The following FGF12 variants were observed in gnomAD, a reference collection of about 807,000 sequenced individuals.
FGF12 encodes the protein fibroblast growth factor 12B.
In FGF12, 14 loss-of-function variants were observed where a neutral mutation model predicts 23.6. The ratio of observed to expected loss-of-function variants is 0.59; its 90% CI spans 0.39 to 0.93. The LOEUF (loss-of-function observed/expected upper bound fraction) is 0.93. FGF12 is among the 40% of genes least tolerant of loss of function. FGF12 has a pLI of 0.00. For synonymous variants in FGF12, 62 were observed against 77.3 expected, an observed-to-expected ratio of 0.80 and a Z score of 1.04; for missense variants, 175 against 217.8, an observed-to-expected ratio of 0.80 and a Z score of 1.24.
chr3:192,467,719 T>C (rs1334004937), intron 2 of FGF12, among the ~76,000 whole-genome samples: 2 of 152,170 alleles, frequency 1.3e-5, no homozygotes, highest in Non-Finnish European at 2.9e-5. Flanking sequence ...ATAAAAATAC[T>C]AGGCACATGA....
At chr3:192,640,099 A>C (rs1368087967) in intron 2 of FGF12, among the ~76,000 whole-genome samples, 1 of 152,122 alleles carries the variant, frequency 6.6e-6, no homozygotes, top group East Asian at 1.9e-4. Flanking sequence ...TGGGGGATGT[A>C]GGTCATAGGT....
At chr3:192,255,911 T>C (rs77827241) in intron 4 of FGF12, among the ~76,000 whole-genome samples, 4,599 of 152,192 alleles carry the variant, frequency 0.03, 92 homozygotes, top group Non-Finnish European at 0.04. Context: ...AGGCCTCTGG[T>C]TGGCATTCCA....
At chr3:192,257,280 T>C (rs146403060) in intron 4 of FGF12, among the ~76,000 whole-genome samples, 1 of 152,160 alleles carries the variant, frequency 6.6e-6, no homozygotes, top group Admixed American at 6.6e-5. Context: ...AACCAGAATT[T>C]TGAATTTATG....
intron 2 of FGF12, among the ~76,000 whole-genome samples, chr3:192,419,788 G>A (rs1044626739): frequency 6.6e-6 from 1 of 152,132 alleles, no homozygotes; most frequent in Non-Finnish European, 1.5e-5. Context: ...GAAGATTCAA[G>A]GAGATAGTCA....
chr3:192,441,531 C>T (rs1188996244), intron 2 of FGF12, among the ~76,000 whole-genome samples: 1 of 152,056 alleles, frequency 6.6e-6, no homozygotes, highest in Non-Finnish European at 1.5e-5. Context: ...ACCCAGGGAG[C>T]CACAGAAAGA....
intron 4 of FGF12, among the ~76,000 whole-genome samples, chr3:192,281,308 G>A (rs765529927): frequency 2.6e-5 from 4 of 151,988 alleles, no homozygotes; most frequent in Non-Finnish European, 5.9e-5. Flanking sequence ...TTCACCCTCT[G>A]CCTCTGTCTT....
intron 5 of FGF12, among the ~76,000 whole-genome samples, chr3:192,158,327 TC>T: frequency 9.6e-6 from 1 of 103,910 alleles, no homozygotes; most frequent in African/African-American, 3.8e-5. Context: ...TTTCTTTCTT[TC>T]TTTCTCTTTC....
intron 4 of FGF12, among the ~76,000 whole-genome samples, chr3:192,209,397 A>G (rs1717817774): frequency 6.6e-6 from 1 of 152,332 alleles, no homozygotes; most frequent in South Asian, 2.1e-4. Context: ...TGTGCTAGCT[A>G]TGGACTGTAG....
At chr3:192,363,119 T>C (rs1718811400) in intron 2 of FGF12, among the ~76,000 whole-genome samples, 2 of 151,540 alleles carry the variant, frequency 1.3e-5, no homozygotes, top group South Asian at 4.2e-4. Context: ...GGGATAGCAT[T>C]AGGAGATATA....
intron 4 of FGF12, among the ~76,000 whole-genome samples, chr3:192,270,631 A>C (rs1306215787): frequency 6.6e-6 from 1 of 152,162 alleles, no homozygotes; most frequent in Non-Finnish European, 1.5e-5. Context: ...TGTATCCTTC[A>C]CTATTTCAGC....
intron 2 of FGF12, among the ~76,000 whole-genome samples, chr3:192,678,419 T>C (rs1052225372): frequency 6.6e-6 from 1 of 152,190 alleles, no homozygotes; most frequent in Non-Finnish European, 1.5e-5. Context: ...AACTCTGAAC[T>C]TTTTTGAAGT....
chr3:192,247,599 T>C (rs993622248), intron 4 of FGF12, among the ~76,000 whole-genome samples: 6 of 152,196 alleles, frequency 3.9e-5, no homozygotes, highest in Admixed American at 3.9e-4. Context: ...CACCTAGCGA[T>C]CACTGGCAGG....
intron 4 of FGF12, among the ~76,000 whole-genome samples, chr3:192,276,641 A>G (rs1366202040): frequency 1.3e-5 from 2 of 152,118 alleles, no homozygotes; most frequent in African/African-American, 2.4e-5. Flanking sequence ...GAGGTTAGCC[A>G]TAGAAACTAG....
At chr3:192,147,206 G>A (rs1352390112) in intron 5 of FGF12, among the ~76,000 whole-genome samples, 1 of 152,206 alleles carries the variant, frequency 6.6e-6, no homozygotes, top group African/African-American at 2.4e-5. Context: ...TAGATTAAAT[G>A]TAATTTCTTG....
rs80087480 is a variant in FGF12, at chr3:192,322,053, A to T, written c.228+13308T>A. Reference sequence around the variant, plus strand: ...TATCTTTGTTTGCAGATGATATGATAGTATATTTGAAAAACCTAAGGACAA... The same window carrying T: ...TATCTTTGTTTGCAGATGATATGATTGTATATTTGAAAAACCTAAGGACAA... On this transcript the variant is annotated intron_variant, in intron 4 of 5. Coordinates refer to ENST00000445105, the MANE Select transcript of FGF12 (RefSeq NM_004113.6). 1.1e-3 allele frequency among the ~76,000 whole-genome samples: 163 copies of T among 152,122 alleles called. 1 individual carries two copies. The highest frequency in any genetic ancestry group is 3.8e-3 in the African/African-American group (156 of 41,508).
chr3:192,250,618 A>G (rs1175082691), intron 4 of FGF12, among the ~76,000 whole-genome samples: 3 of 152,176 alleles, frequency 2.0e-5, no homozygotes, highest in Non-Finnish European at 2.9e-5. Context: ...TCAAATGCCA[A>G]TAATGATATA....
chr3:192,519,690 A>C (rs1724768909), intron 2 of FGF12, among the ~76,000 whole-genome samples: 1 of 152,224 alleles, frequency 6.6e-6, no homozygotes, highest in African/African-American at 2.4e-5. Flanking sequence ...TTTGCCCGGC[A>C]GTGACTTTTG....
chr3:192,569,860 C>T (rs993815926), intron 2 of FGF12, among the ~76,000 whole-genome samples: 2 of 152,172 alleles, frequency 1.3e-5, no homozygotes, highest in Non-Finnish European at 2.9e-5. Context: ...GAAAACACGA[C>T]TCATATTTAT....
intron 2 of FGF12, among the ~76,000 whole-genome samples, chr3:192,639,568 A>G (rs77709871): frequency 0.097 from 14,714 of 152,264 alleles, 898 homozygotes; most frequent in Non-Finnish European, 0.14. Context: ...ATCATCAACA[A>G]ATAGATAAGG....
Sources: allele counts gnomAD v4.1 joint callset (sites outside exome capture counted in the v4.1 genomes callset), GRCh38; gene constraint gnomAD v4.1.1; transcripts MANE v1.5; gene names NCBI Gene and HGNC (gene_info 2026-07-23, HGNC 2026-07-21).